The following AGMO variants were observed in gnomAD, a reference collection of about 807,000 sequenced individuals.
AGMO encodes alkylglycerol monooxygenase.
In AGMO, 75 loss-of-function variants were observed where a neutral mutation model predicts 60.2. The ratio of observed to expected loss-of-function variants is 1.25; its 90% CI spans 1.03 to 1.51. AGMO has a LOEUF of 1.51. AGMO is among the 40% of genes most tolerant of loss of function. The pLI is 0.00. For missense variants in AGMO, 763 were observed against 525.5 expected, an observed-to-expected ratio of 1.45 and a Z score of -4.42; for synonymous variants, 261 against 177.1, an observed-to-expected ratio of 1.47 and a Z score of -3.76.
At chr7:15,188,504 T>C in the AGMO span, among the ~76,000 whole-genome samples, 35 of 152,218 alleles carry the variant, frequency 2.3e-4, no homozygotes, top group Non-Finnish European at 4.7e-4. Context: ...CATGAGTCTG[T>C]AGTTAAAGAG....
intron 3 of AGMO, among the ~76,000 whole-genome samples, chr7:15,511,007 A>T (rs1196430151): frequency 6.6e-6 from 1 of 151,936 alleles, no homozygotes; most frequent in African/African-American, 2.4e-5. Context: ...TTCTAAAAAA[A>T]GATACACAAC....
At chr7:15,521,330 C>A (rs1329820331) in intron 3 of AGMO, among the ~76,000 whole-genome samples, 1 of 152,140 alleles carries the variant, frequency 6.6e-6, no homozygotes, top group Non-Finnish European at 1.5e-5. Flanking sequence ...AGAAGGAATC[C>A]TCCCTAACTC....
chr7:15,540,851 A>G (rs1250301221), intron 3 of AGMO, among the ~76,000 whole-genome samples: 1 of 152,190 alleles, frequency 6.6e-6, no homozygotes, highest in East Asian at 1.9e-4. Flanking sequence ...ATAAAAGTAT[A>G]TATATAGAAA....
rs78840406 is a variant in AGMO at position 15,434,509 on chromosome 7, T to C, written c.410-3401A>G. ...CTAAGAAAAGCTGGCTACCTTGTTA[T>C]GAGCTCCCTTTGAAGAAATACATAT... On this transcript the variant is annotated intron_variant, in intron 3 of 12. Coordinates refer to ENST00000342526, the MANE Select transcript of AGMO (RefSeq NM_001004320.2). 9.3e-3 allele frequency among the ~76,000 whole-genome samples: 1,410 copies of C among 152,224 alleles called. 21 individuals are homozygous for C. The highest frequency in any genetic ancestry group is 0.033 in the African/African-American group (1,355 of 41,552).
intron 12 of AGMO, among the ~76,000 whole-genome samples, chr7:15,266,580 G>A (rs776094616): frequency 2.1e-4 from 32 of 151,642 alleles, no homozygotes; most frequent in Non-Finnish European, 1.2e-4. Context: ...GTGATTGTCA[G>A]TTTCAGCTGC....
chr7:15,341,921 G>A (rs948190879), intron 12 of AGMO, among the ~76,000 whole-genome samples: 13 of 151,970 alleles, frequency 8.6e-5, no homozygotes, highest in East Asian at 7.8e-4. Flanking sequence ...GGGAAAATCT[G>A]CTCTATGATT....
intron 2 of AGMO, among the ~76,000 whole-genome samples, chr7:15,559,904 A>T (rs1785256287): frequency 6.6e-6 from 1 of 152,146 alleles, no homozygotes. Flanking sequence ...CAAATGAAGC[A>T]CTCATTTCAA....
chr7:15,544,316 G>T (rs1224068551), intron 3 of AGMO, among the ~76,000 whole-genome samples: 1 of 152,054 alleles, frequency 6.6e-6, no homozygotes, highest in African/African-American at 2.4e-5. Flanking sequence ...AATCAAAACT[G>T]AAGAACTTAT....
At chr7:15,371,504 C>T (rs557732281) in intron 10 of AGMO, among the ~76,000 whole-genome samples, 37 of 152,292 alleles carry the variant, frequency 2.4e-4, no homozygotes, top group African/African-American at 8.9e-4. Flanking sequence ...AATTCACCTG[C>T]CTCAGCCTCC....
intron 4 of AGMO, among the ~76,000 whole-genome samples, chr7:15,419,746 T>G (rs1371879231): frequency 6.6e-6 from 1 of 151,962 alleles, no homozygotes; most frequent in African/African-American, 2.4e-5. Flanking sequence ...GGGCTCTCAT[T>G]CAAGAGATCA....
intron 3 of AGMO, among the ~76,000 whole-genome samples, chr7:15,492,791 G>A (rs1783102507): frequency 6.6e-6 from 1 of 152,074 alleles, no homozygotes; most frequent in Non-Finnish European, 1.5e-5. Context: ...AAGAGAAAAA[G>A]GGGAAGGAAG....
At chr7:15,343,547 T>C (rs974804538) in intron 12 of AGMO, among the ~76,000 whole-genome samples, 1 of 152,162 alleles carries the variant, frequency 6.6e-6, no homozygotes, top group Non-Finnish European at 1.5e-5. Context: ...TCAGGACTTA[T>C]TACTATCAGG....
At chr7:15,289,943 CTTTTTTTTTTTTTTTTT>C (rs36074413) in intron 12 of AGMO, among the ~76,000 whole-genome samples, 1 of 31,352 alleles carries the variant, frequency 3.2e-5, no homozygotes, top group Non-Finnish European at 6.2e-5. Flanking sequence ...TTCCAGAAAT[CTTTTTTTTTTTTTTTTT>C]TTTTTTTTTT....
intron 12 of AGMO, among the ~76,000 whole-genome samples, chr7:15,313,300 A>G (rs1780821673): frequency 6.6e-6 from 1 of 152,220 alleles, no homozygotes; most frequent in African/African-American, 2.4e-5. Context: ...TAAACATTTT[A>G]CAGTCACTAT....
At chr7:15,220,558 T>C (rs1444492313) in intron 12 of AGMO, among the ~76,000 whole-genome samples, 1 of 151,956 alleles carries the variant, frequency 6.6e-6, no homozygotes, top group Non-Finnish European at 1.5e-5. Flanking sequence ...CAAATATGAA[T>C]TGTTCCTATT....
At chr7:15,378,975 TA>T (rs1783568684) in intron 10 of AGMO, among the ~76,000 whole-genome samples, 2 of 151,940 alleles carry the variant, frequency 1.3e-5, no homozygotes, top group South Asian at 4.1e-4. Context: ...ACCATACAAT[TA>T]CATGGAAACT....
chr7:15,395,748 A>C (rs1046690582), intron 5 of AGMO, among the ~76,000 whole-genome samples: 6 of 152,248 alleles, frequency 3.9e-5, no homozygotes, highest in Non-Finnish European at 7.3e-5. Flanking sequence ...AGTAATGTCC[A>C]TAAATCCTCA....
At chr7:15,312,146 A>G (rs1229534723) in intron 12 of AGMO, among the ~76,000 whole-genome samples, 1 of 151,890 alleles carries the variant, frequency 6.6e-6, no homozygotes. Context: ...AAAGTCTAAC[A>G]AACATGTAAT....
At position 15,431,059 on chromosome 7, in the gene AGMO, G is replaced by C; in HGVS notation, c.459C>G (p.Asp153Glu). ...GTCTCAGTGCTGTGGATAAGTTATA[G>C]TCTTCAGAACTATGATGTGTTTGGT... ...AGHQTHHSSE[D>E]YNLSTALRQS... Residue 153 changes from aspartate (D) to glutamate (E), a missense_variant, in exon 4 of 13, where the codon GAC becomes GAG. Physicochemically the swap from Asp to Glu is conservative, Grantham distance 45 (BLOSUM62 2). Transcript: ENST00000342526. 6.2e-7 allele frequency: 1 copy of C among 1,611,126 alleles called. No individual in the cohort carries two copies.
Sources: gnomAD v4.1 joint callset for allele counts (sites outside exome capture counted in the v4.1 genomes callset) on GRCh38, gnomAD v4.1.1 for gene constraint, MANE v1.5 for transcripts, NCBI Gene and HGNC (gene_info 2026-07-23, HGNC 2026-07-21) for gene names.